The following PDE1C variants were observed in gnomAD, a reference collection of about 807,000 sequenced individuals.
PDE1C encodes the protein dual specificity calcium/calmodulin-dependent 3',5'-cyclic nucleotide phosphodiesterase 1C.
In PDE1C, 62 loss-of-function variants were observed where a neutral mutation model predicts 93.1. That is an observed-to-expected ratio of 0.67 (90% CI 0.54 to 0.82). PDE1C has a LOEUF of 0.82. PDE1C is among the 40% of genes least tolerant of loss of function. The pLI is 0.00. For synonymous variants in PDE1C, 325 were observed against 310.1 expected (o/e 1.05, Z -0.50); for missense variants, 742 against 884.6 (o/e 0.84, Z 2.04).
chr7:31,808,196 G>T, intron 16 of PDE1C: 1 of 491,668 alleles, frequency 2.0e-6, no homozygotes, highest in South Asian at 1.5e-5. Context: ...CTAACCAAAT[G>T]ATTCAAAGAA....
At chr7:32,228,496 C>T (rs2128860202) in intron 1 of PDE1C, among the ~76,000 whole-genome samples, 1 of 152,278 alleles carries the variant, frequency 6.6e-6, no homozygotes, top group Admixed American at 6.5e-5. Context: ...TGTCCGAGGG[C>T]ACCCAGCTAC....
At chr7:32,358,548 G>A (rs1013485871) in intron 1 of PDE1C, among the ~76,000 whole-genome samples, 1 of 152,108 alleles carries the variant, frequency 6.6e-6, no homozygotes, top group Admixed American at 6.5e-5. Flanking sequence ...GCAAGTGGGG[G>A]TGTGGAAAGT....
intron 3 of PDE1C, among the ~76,000 whole-genome samples, chr7:32,114,120 A>C (rs182602705): frequency 6.2e-4 from 94 of 152,336 alleles, no homozygotes; most frequent in African/African-American, 2.1e-3. Flanking sequence ...ACAGAATTAG[A>C]TAAAACTACT....
intron 14 of PDE1C, among the ~76,000 whole-genome samples, chr7:31,821,632 C>T (rs1788980189): frequency 6.6e-6 from 1 of 152,036 alleles, no homozygotes; most frequent in South Asian, 2.1e-4. Context: ...GTGTTGGCTC[C>T]CTCCATAGCT....
At chr7:31,640,071 T>C in the PDE1C span, among the ~76,000 whole-genome samples, 1 of 152,212 alleles carries the variant, frequency 6.6e-6, no homozygotes, top group East Asian at 1.9e-4. Context: ...GGACACAAGT[T>C]ACTTGGAAAC....
chr7:32,236,471 C>T (rs942486705), intron 1 of PDE1C, among the ~76,000 whole-genome samples: 4 of 152,102 alleles, frequency 2.6e-5, no homozygotes, highest in African/African-American at 4.8e-5. Context: ...AGAAAACATT[C>T]GCCCCTAATT....
intron 1 of PDE1C, among the ~76,000 whole-genome samples, chr7:32,295,202 C>T (rs539860861): frequency 6.6e-6 from 1 of 152,328 alleles, no homozygotes; most frequent in East Asian, 1.9e-4. Context: ...TTTGCTCCAG[C>T]CTTGGCTGGT....
chr7:31,732,553 C>A, the PDE1C span, among the ~76,000 whole-genome samples: 2 of 151,494 alleles, frequency 1.3e-5, no homozygotes, highest in Non-Finnish European at 2.9e-5. Context: ...CCTGGCCTAC[C>A]CTTTGGATTT....
intron 1 of PDE1C, among the ~76,000 whole-genome samples, chr7:32,317,405 C>G (rs370646930): frequency 1.3e-4 from 20 of 152,180 alleles, no homozygotes; most frequent in African/African-American, 4.8e-4. Context: ...AATGGAGACC[C>G]GTCCTCTCAA....
At chr7:31,971,421 T>C (rs754294501) in intron 2 of PDE1C, among the ~76,000 whole-genome samples, 1 of 152,178 alleles carries the variant, frequency 6.6e-6, no homozygotes, top group African/African-American at 2.4e-5. Context: ...TATTTAGTCA[T>C]GCTGCAGCTC....
chr7:31,684,166 C>T, the PDE1C span, among the ~76,000 whole-genome samples: 6 of 152,262 alleles, frequency 3.9e-5, no homozygotes, highest in Admixed American at 2.0e-4. Flanking sequence ...AGAGTATGTA[C>T]GAAGCCCTGG....
intron 3 of PDE1C, among the ~76,000 whole-genome samples, chr7:32,083,227 G>A (rs557882300): frequency 6.8e-4 from 103 of 151,894 alleles, no homozygotes; most frequent in Non-Finnish European, 1.1e-3. Flanking sequence ...GAGCCAATGC[G>A]ATCAACTGGA....
rs567014154 is a variant in PDE1C at position 32,402,599 on chromosome 7, C to T, written c.310+25223G>A. Among the ~76,000 whole-genome samples the T allele has an allele frequency of 4.8e-4, 73 of 152,282 alleles. 1 individual carries two copies. Among genetic ancestry groups the T allele is most frequent in the African/African-American group, 1.7e-3 (69 of 41,568 alleles). ...TTTACTCAGTCTACTGATTCAAATG[C>T]CAATCTCTTTCAGAAACATGCTTAC... is the stretch of plus-strand genomic sequence containing the variant. On this transcript the variant is annotated intron_variant, in intron 1 of 1. Coordinates refer to the PDE1C transcript ENST00000672256.
chr7:32,332,118 C>T (rs1562677595), intron 1 of PDE1C, among the ~76,000 whole-genome samples: 1 of 152,144 alleles, frequency 6.6e-6, no homozygotes, highest in Non-Finnish European at 1.5e-5. Flanking sequence ...AGCGAAATCA[C>T]TGCATTTTCT....
intron 1 of PDE1C, among the ~76,000 whole-genome samples, chr7:32,401,828 T>G (rs1784948652): frequency 6.6e-6 from 1 of 152,212 alleles, no homozygotes; most frequent in African/African-American, 2.4e-5. Context: ...TCAGAGAGTC[T>G]GCAGTCTTTC....
intron 2 of PDE1C, among the ~76,000 whole-genome samples, chr7:31,978,013 G>A (rs1294718499): frequency 6.6e-6 from 1 of 152,116 alleles, no homozygotes. Flanking sequence ...AGATGAAGAC[G>A]CTAAGATATA....
chr7:31,831,564 C>T (rs1172830046), intron 11 of PDE1C, among the ~76,000 whole-genome samples: 3 of 151,836 alleles, frequency 2.0e-5, no homozygotes, highest in Non-Finnish European at 4.4e-5. Context: ...AAACCAAGGA[C>T]AATTCTAGAT....
the PDE1C span, among the ~76,000 whole-genome samples, chr7:31,737,425 G>C: frequency 6.6e-6 from 1 of 152,168 alleles, no homozygotes. Context: ...CTTTTCAGTA[G>C]TTCAGACTGA....
At chr7:32,028,041 CT>C (rs767341070) in intron 2 of PDE1C, among the ~76,000 whole-genome samples, 1 of 152,138 alleles carries the variant, frequency 6.6e-6, no homozygotes, top group Non-Finnish European at 1.5e-5. Context: ...AGTCTTCCTC[CT>C]GATTGACAGC....
Sources: gnomAD v4.1 joint callset for allele counts (sites outside exome capture counted in the v4.1 genomes callset) on GRCh38, gnomAD v4.1.1 for gene constraint, MANE v1.5 for transcripts, NCBI Gene and HGNC (gene_info 2026-07-23, HGNC 2026-07-21) for gene names.